CDH18: variants seen among roughly 807,000 people sequenced by gnomAD.
CDH18 encodes the protein cadherin 18.
In CDH18, 31 loss-of-function variants were observed where a neutral mutation model predicts 67.9. The ratio of observed to expected loss-of-function variants is 0.46; its 90% CI spans 0.34 to 0.62. CDH18 has a LOEUF of 0.62. CDH18 is among the 20% of genes least tolerant of loss of function. The pLI, the probability that CDH18 is intolerant of heterozygous loss-of-function variation, is 0.01. For synonymous variants in CDH18, 362 were observed against 347.2 expected (o/e 1.04, Z -0.48); for missense variants, 890 against 975.5 (o/e 0.91, Z 1.17).
At chr5:19,815,389 A>G (rs1290011319) in intron 3 of CDH18, among the ~76,000 whole-genome samples, 7 of 151,972 alleles carry the variant, frequency 4.6e-5, no homozygotes, top group Admixed American at 2.0e-4. Context: ...TTGGATGACA[A>G]TTGAGACCTT....
chr5:19,596,825 G>A (rs1202153064), intron 6 of CDH18, among the ~76,000 whole-genome samples: 1 of 152,134 alleles, frequency 6.6e-6, no homozygotes, highest in Non-Finnish European at 1.5e-5. Flanking sequence ...ACAAAGGAGT[G>A]CATTAAGATT....
chr5:20,144,062 C>A (rs1465573179), intron 2 of CDH18, among the ~76,000 whole-genome samples: 1 of 152,056 alleles, frequency 6.6e-6, no homozygotes, highest in Non-Finnish European at 1.5e-5. Context: ...CCTGCCTGGA[C>A]TGATAAAGAC....
At chr5:19,604,338 T>C (rs1580446575) in intron 6 of CDH18, among the ~76,000 whole-genome samples, 1 of 152,046 alleles carries the variant, frequency 6.6e-6, no homozygotes, top group African/African-American at 2.4e-5. Flanking sequence ...TACTATTTTA[T>C]AGTATTTACT....
At chr5:19,659,698 A>G (rs1756902426) in intron 5 of CDH18, among the ~76,000 whole-genome samples, 1 of 152,028 alleles carries the variant, frequency 6.6e-6, no homozygotes, top group Non-Finnish European at 1.5e-5. Flanking sequence ...CATAGCTTTT[A>G]CCTCATTGGC....
At chr5:19,691,258 CATAT>C (rs1761839714) in intron 5 of CDH18, among the ~76,000 whole-genome samples, 1 of 151,680 alleles carries the variant, frequency 6.6e-6, no homozygotes. Flanking sequence ...TCTTATAGGT[CATAT>C]ATGACAAACC....
At chr5:20,316,573 T>A (rs1443391453) in intron 1 of CDH18, among the ~76,000 whole-genome samples, 1 of 152,026 alleles carries the variant, frequency 6.6e-6, no homozygotes, top group East Asian at 1.9e-4. Flanking sequence ...TAAGTTTGAA[T>A]TAATTGAAAA....
chr5:19,644,053 A>C (rs1356698082), intron 5 of CDH18, among the ~76,000 whole-genome samples: 1 of 152,166 alleles, frequency 6.6e-6, no homozygotes, highest in East Asian at 1.9e-4. Flanking sequence ...ACAATTAACT[A>C]GTTATATTCC....
In CDH18 at chr5:20,221,375, T is replaced by G. The variant is rs116268968; in HGVS notation, c.-518+34069A>C. Reference sequence around the variant, plus strand: ...TAAGCCTGGCACAGAAAGACAAAATTCACATGTTTCCACTCATGTGTGGAA... The same window carrying G: ...TAAGCCTGGCACAGAAAGACAAAATGCACATGTTTCCACTCATGTGTGGAA... On this transcript the variant is annotated intron_variant, in intron 2 of 14. Transcript: ENST00000507958. 5.7e-3 allele frequency among the ~76,000 whole-genome samples: 862 copies of G among 152,152 alleles called. 9 individuals carry two copies. The highest frequency in any genetic ancestry group is 0.02 in the African/African-American group (825 of 41,544).
chr5:20,067,972 T>C (rs1743128279), intron 2 of CDH18, among the ~76,000 whole-genome samples: 1 of 152,238 alleles, frequency 6.6e-6, no homozygotes, highest in South Asian at 2.1e-4. Flanking sequence ...TTGTGACCTA[T>C]TGTGACCCTA....
In CDH18 at chr5:19,473,208, G is replaced by A. The variant is rs534344444; in HGVS notation, c.*18C>T. The A allele has an allele frequency of 6.2e-7, 1 of 1,606,646 alleles. No individual in the cohort carries two copies. The highest frequency in any genetic ancestry group is 1.3e-5 in the African/African-American group (1 of 74,672). Reference sequence around the variant, plus strand: ...TTACTCAGGAAGCAAATTCCACAAGGTTGCAAGAACTGACCCCCTAAGTTG... The same window carrying A: ...TTACTCAGGAAGCAAATTCCACAAGATTGCAAGAACTGACCCCCTAAGTTG... On this transcript the variant is annotated 3_prime_UTR_variant, in exon 13 of 13. Transcript: ENST00000382275.
At chr5:19,742,797 T>C (rs1769394111) in intron 4 of CDH18, among the ~76,000 whole-genome samples, 1 of 152,084 alleles carries the variant, frequency 6.6e-6, no homozygotes, top group African/African-American at 2.4e-5. Context: ...AGAGAGATTG[T>C]TTTAATGATT....
intron 8 of CDH18, among the ~76,000 whole-genome samples, chr5:19,570,497 T>C (rs1368205095): frequency 1.3e-5 from 2 of 152,096 alleles, no homozygotes; most frequent in Non-Finnish European, 2.9e-5. Context: ...AAAAAGAAAA[T>C]TCAGAGCTTT....
At chr5:19,909,747 G>A (rs1045524250) in intron 2 of CDH18, among the ~76,000 whole-genome samples, 5 of 151,778 alleles carry the variant, frequency 3.3e-5, no homozygotes, top group East Asian at 1.9e-4. Context: ...TTCTTATTTC[G>A]GACTATCATT....
chr5:20,391,308 G>T (rs1744835782), intron 1 of CDH18, among the ~76,000 whole-genome samples: 1 of 151,780 alleles, frequency 6.6e-6, no homozygotes. Flanking sequence ...GGGTGGTTAG[G>T]GTCATAAATC....
chr5:20,295,872 C>CT (rs35024141), intron 1 of CDH18, among the ~76,000 whole-genome samples: 42,700 of 110,014 alleles, frequency 0.39, 8,474 homozygotes, highest in South Asian at 0.57. Context: ...TCTTTTTTTT[C>CT]TTTTTTTTTT....
intron 2 of CDH18, among the ~76,000 whole-genome samples, chr5:20,070,483 G>A (rs915084831): frequency 1.3e-5 from 2 of 152,122 alleles, no homozygotes; most frequent in African/African-American, 2.4e-5. Context: ...AACTGCAGAT[G>A]GAGATTGAAT....
At chr5:20,303,734 C>T (rs544430366) in intron 1 of CDH18, among the ~76,000 whole-genome samples, 1 of 152,128 alleles carries the variant, frequency 6.6e-6, no homozygotes, top group African/African-American at 2.4e-5. Flanking sequence ...TTTGGGAAAG[C>T]GAATTGATAC....
intron 5 of CDH18, among the ~76,000 whole-genome samples, chr5:19,719,903 GAGAAAGAAAGAAAGAAAGAA>G (rs35867851): frequency 2.1e-3 from 280 of 130,958 alleles, no homozygotes; most frequent in African/African-American, 4.8e-3. Context: ...AGTTAAGCAA[GAGAAAGAAAGAAAGAAAGAA>G]AGAAAGAAAG....
intron 4 of CDH18, among the ~76,000 whole-genome samples, chr5:19,734,822 A>G (rs887968801): frequency 2.0e-5 from 3 of 151,974 alleles, no homozygotes; most frequent in Non-Finnish European, 2.9e-5. Context: ...TGAAATATTT[A>G]TGGTTTCTTT....
Sources: gnomAD v4.1 joint callset for allele counts (sites outside exome capture counted in the v4.1 genomes callset) on GRCh38, gnomAD v4.1.1 for gene constraint, MANE v1.5 for transcripts, NCBI Gene and HGNC (gene_info 2026-07-23, HGNC 2026-07-21) for gene names.